Variants in SMAP1 observed in about 807,000 individuals in gnomAD.
SMAP1 encodes small ArfGAP 1, also known as stromal membrane-associated protein 1.
Under a neutral mutation model 58.5 loss-of-function variants are expected in SMAP1, and 24 were observed. The observed-to-expected ratio is 0.41, with a 90% confidence interval of 0.30 to 0.58. The LOEUF (loss-of-function observed/expected upper bound fraction) is 0.58, where lower values mean the gene tolerates loss of function less well. Among genes scored for constraint, SMAP1 ranks in the 20% least tolerant of loss-of-function variants. The probability of loss-of-function intolerance (pLI) is 0.29; values close to 1 mark genes in which losing one functional copy is unlikely to be tolerated. For missense variants in SMAP1, 563 were observed against 566.3 expected, an observed-to-expected ratio of 0.99 and a Z score of 0.06; for synonymous variants, 216 against 196.6, an observed-to-expected ratio of 1.10 and a Z score of -0.82.
chr6:70,848,267 C>G (rs188853556), intron 7 of SMAP1, among the ~76,000 whole-genome samples: 13 of 152,164 alleles, frequency 8.5e-5, no homozygotes, highest in Non-Finnish European at 1.8e-4. Context: ...TGAATCCCTC[C>G]CTAAAAACTG....
At chr6:70,801,787 C>T (rs1410096861) in intron 6 of SMAP1, among the ~76,000 whole-genome samples, 1 of 152,126 alleles carries the variant, frequency 6.6e-6, no homozygotes, top group Non-Finnish European at 1.5e-5. Flanking sequence ...TTCTCCATTT[C>T]TTGTTTTTGT....
rs201713720 is a variant in SMAP1, at chr6:70,714,711, C to CA, written c.119-17659dup. On this transcript the variant is annotated intron_variant, in intron 1 of 10. Coordinates refer to ENST00000370455, the MANE Select transcript of SMAP1 (RefSeq NM_001044305.3). ...TTTGTACTTTTTTTGGTATAAAAAA[C>CA]AAAAAAAACATTATGTTGTTGTTTT... Among the ~76,000 whole-genome samples the CA allele has an allele frequency of 2.0e-4, 30 of 151,180 alleles. 1 individual carries two copies. The South Asian group carries it at 2.5e-3, about 13-fold the overall frequency.
rs372499489 is a variant in SMAP1, at chr6:70,757,486, C to G, written c.338+2421C>G. Among the ~76,000 whole-genome samples, 7 of 152,032 alleles carry G rather than the reference C, an allele frequency of 4.6e-5. No individual in the cohort carries two copies. In the South Asian group the frequency reaches 1.2e-3, roughly 27 times the overall value. On this transcript the variant is annotated intron_variant, in intron 3 of 10. Coordinates refer to ENST00000370455, the MANE Select transcript of SMAP1 (RefSeq NM_001044305.3). ...AAGGACTTCATGTCCAAAACACCAACAGCAATGGCAACAAAAGCCAAAATT... is the reference window on the plus strand; with the variant it reads ...AAGGACTTCATGTCCAAAACACCAAGAGCAATGGCAACAAAAGCCAAAATT...
chr6:70,710,352 A>G (rs1047624507), intron 1 of SMAP1, among the ~76,000 whole-genome samples: 3 of 151,918 alleles, frequency 2.0e-5, no homozygotes, highest in African/African-American at 7.3e-5. Context: ...TTAGCTGGAC[A>G]TGGTGGCATG....
intron 1 of SMAP1, among the ~76,000 whole-genome samples, chr6:70,680,492 T>C (rs924431204): frequency 6.6e-6 from 1 of 152,184 alleles, no homozygotes; most frequent in African/African-American, 2.4e-5. Context: ...AGCACTTGAA[T>C]GTTCATAGCA....
chr6:70,846,976 TAAATA>T (rs1013925647), intron 7 of SMAP1, among the ~76,000 whole-genome samples: 2 of 152,230 alleles, frequency 1.3e-5, no homozygotes, highest in African/African-American at 4.8e-5. Context: ...ACATAGTACT[TAAATA>T]AATATTAGTG....
At chr6:70,849,430 TAAAAA>T (rs57793593) in intron 7 of SMAP1, among the ~76,000 whole-genome samples, 7 of 151,534 alleles carry the variant, frequency 4.6e-5, no homozygotes, top group Non-Finnish European at 1.0e-4. Flanking sequence ...GTAATAATAA[TAAAAA>T]AAACACATGG....
At chr6:70,763,854 G>A (rs1766854865) in intron 3 of SMAP1, among the ~76,000 whole-genome samples, 1 of 152,184 alleles carries the variant, frequency 6.6e-6, no homozygotes, top group African/African-American at 2.4e-5. Context: ...GGCTGAGAGT[G>A]ATGAGGAAGC....
intron 9 of SMAP1, chr6:70,857,409 ATTT>A (rs1181739809): frequency 2.4e-5 from 4 of 168,554 alleles, no homozygotes; most frequent in Non-Finnish European, 5.1e-5. Flanking sequence ...AAATCTATGA[ATTT>A]TTTTGTAATC....
chr6:70,776,870 C>G (rs1318612949), intron 4 of SMAP1, among the ~76,000 whole-genome samples: 1 of 152,268 alleles, frequency 6.6e-6, no homozygotes, highest in East Asian at 1.9e-4. Context: ...ATATATCACA[C>G]TTTAAAAATC....
chr6:70,682,801 G>GC (rs1263829350), intron 1 of SMAP1, among the ~76,000 whole-genome samples: 1 of 152,152 alleles, frequency 6.6e-6, no homozygotes, highest in African/African-American at 2.4e-5. Flanking sequence ...ACTTTGGGAG[G>GC]CCGAGGTAGG....
intron 1 of SMAP1, among the ~76,000 whole-genome samples, chr6:70,708,785 G>A (rs1447925468): frequency 2.0e-5 from 3 of 152,040 alleles, no homozygotes; most frequent in Non-Finnish European, 4.4e-5. Flanking sequence ...GTCTATTCAG[G>A]TCCTTTGCCC....
At chr6:70,813,104 A>G (rs1449078431) in intron 6 of SMAP1, among the ~76,000 whole-genome samples, 1 of 152,094 alleles carries the variant, frequency 6.6e-6, no homozygotes, top group African/African-American at 2.4e-5. Flanking sequence ...GGGAATGTAG[A>G]TGGTATGGTT....
intron 6 of SMAP1, among the ~76,000 whole-genome samples, chr6:70,836,136 TTA>T (rs1446030173): frequency 6.6e-6 from 1 of 152,014 alleles, no homozygotes; most frequent in Non-Finnish European, 1.5e-5. Flanking sequence ...ACAGGATGTA[TTA>T]GTCCGTTTTC....
intron 1 of SMAP1, among the ~76,000 whole-genome samples, chr6:70,687,413 CTT>C (rs922413532): frequency 2.0e-5 from 3 of 152,094 alleles, no homozygotes; most frequent in African/African-American, 7.2e-5. Context: ...TTTGCTGCAA[CTT>C]ATATATTTAT....
At chr6:70,756,962 CA>C (rs1339511985) in intron 3 of SMAP1, among the ~76,000 whole-genome samples, 2 of 152,060 alleles carry the variant, frequency 1.3e-5, no homozygotes, top group Non-Finnish European at 2.9e-5. Flanking sequence ...TTTACAGATT[CA>C]ATGCCATCCC....
At chr6:70,839,291 G>C (rs1263794485) in intron 7 of SMAP1, among the ~76,000 whole-genome samples, 1 of 152,174 alleles carries the variant, frequency 6.6e-6, no homozygotes, top group Non-Finnish European at 1.5e-5. Context: ...AGTTCCAACA[G>C]TGTTTCCTTA....
At chr6:70,741,000 C>T (rs1765792204) in intron 2 of SMAP1, among the ~76,000 whole-genome samples, 1 of 152,148 alleles carries the variant, frequency 6.6e-6, no homozygotes, top group African/African-American at 2.4e-5. Context: ...AAAACCGCCC[C>T]CATGATTCAA....
chr6:70,781,220 C>T (rs1767750343), intron 4 of SMAP1, among the ~76,000 whole-genome samples: 1 of 151,994 alleles, frequency 6.6e-6, no homozygotes, highest in African/African-American at 2.4e-5. Context: ...ATTGACTTGG[C>T]CACAGATTTT....
Sources: allele counts gnomAD v4.1 joint callset (sites outside exome capture counted in the v4.1 genomes callset), GRCh38; gene constraint gnomAD v4.1.1; transcripts MANE v1.5; gene names NCBI Gene and HGNC (gene_info 2026-07-23, HGNC 2026-07-21).